ADGRB3: variants seen among roughly 807,000 people sequenced by gnomAD.
ADGRB3 encodes the protein adhesion G protein-coupled receptor B3.
In ADGRB3, 37 loss-of-function variants were observed where a neutral mutation model predicts 193.4. The ratio of observed to expected loss-of-function variants is 0.19; its 90% CI spans 0.15 to 0.25. The LOEUF (loss-of-function observed/expected upper bound fraction) is 0.25, where lower values mean the gene tolerates loss of function less well. Among genes scored for constraint, ADGRB3 ranks in the 10% least tolerant of loss-of-function variants. The pLI, the probability that ADGRB3 is intolerant of heterozygous loss-of-function variation, is 1.00. For synonymous variants in ADGRB3, 690 were observed against 644.2 expected (o/e 1.07, Z -1.08); for missense variants, 1,637 against 1,852.9 (o/e 0.88, Z 2.14).
intron 3 of ADGRB3, among the ~76,000 whole-genome samples, chr6:68,751,576 C>G (rs920710737): frequency 4.6e-5 from 7 of 152,120 alleles, no homozygotes; most frequent in Non-Finnish European, 7.3e-5. Flanking sequence ...TTTACATAAT[C>G]AAAATCTTAT....
intron 3 of ADGRB3, among the ~76,000 whole-genome samples, chr6:68,771,523 T>C (rs1766618346): frequency 6.6e-6 from 1 of 152,056 alleles, no homozygotes; most frequent in South Asian, 2.1e-4. Context: ...ATAGTCATAT[T>C]CATTCATTTA....
chr6:69,181,498 A>G (rs1420810692), intron 17 of ADGRB3, among the ~76,000 whole-genome samples: 1 of 152,192 alleles, frequency 6.6e-6, no homozygotes, highest in Non-Finnish European at 1.5e-5. Flanking sequence ...GACATATAGA[A>G]TTGGAAATAC....
chr6:69,040,675 C>CAA lies in ADGRB3; in HGVS notation c.2108-7477_2108-7476dup, dbSNP rs869146684. ...CCCAGGCTTTGAAATGACTGATGGA[C>CAA]AAAAAAAAAAAAAAAAAAAAAAAAA... On this transcript the variant is annotated intron_variant, in intron 13 of 31. Coordinates refer to ENST00000370598, the MANE Select transcript of ADGRB3 (RefSeq NM_001704.3). Among the ~76,000 whole-genome samples the CAA allele has an allele frequency of 7.1e-3, 139 of 19,530 alleles. 24 individuals carry two copies. Among genetic ancestry groups the CAA allele is most frequent in the Middle Eastern group, 0.036 (1 of 28 alleles). The allele number at this position is 19,530 out of a possible 152,430, so 12.8% of individuals were successfully genotyped here. A position where few individuals can be genotyped will look rare whatever the true frequency, so the allele number is the denominator to read the frequency against.
chr6:68,925,851 A>C (rs898973499), intron 3 of ADGRB3, among the ~76,000 whole-genome samples: 3 of 152,026 alleles, frequency 2.0e-5, no homozygotes, highest in African/African-American at 4.8e-5. Context: ...ATTCATCTTT[A>C]TAACTTTGGT....
intron 6 of ADGRB3, among the ~76,000 whole-genome samples, chr6:68,955,797 GA>G (rs577515699): frequency 0.017 from 2,398 of 137,896 alleles, 38 homozygotes; most frequent in African/African-American, 0.045. Flanking sequence ...ATCTCCAAAT[GA>G]AAAAAAAAAA....
Position 69,021,781 on chromosome 6 carries a change from C to T in ADGRB3, c.2107+3282C>T, listed in dbSNP as rs116099193. Among the ~76,000 whole-genome samples, 497 of 151,810 alleles carry T rather than the reference C, an allele frequency of 3.3e-3. 2 individuals carry two copies. The highest frequency in any genetic ancestry group is 0.011 in the African/African-American group (477 of 41,502). ...CAAAAATAGTTCAAATGAAAAAGTT[C>T]GAAGCTTCTTTTTTTCTGAAAAATC... is the stretch of plus-strand genomic sequence containing the variant. On this transcript the variant is annotated intron_variant, in intron 13 of 31. Coordinates refer to ENST00000370598, the MANE Select transcript of ADGRB3 (RefSeq NM_001704.3).
At chr6:69,207,203 T>C (rs1765557668) in intron 17 of ADGRB3, among the ~76,000 whole-genome samples, 1 of 152,174 alleles carries the variant, frequency 6.6e-6, no homozygotes, top group Non-Finnish European at 1.5e-5. Flanking sequence ...CTAAGACCTC[T>C]AGGCCAGCAG....
At chr6:69,040,321 C>CTT (rs775726789) in intron 13 of ADGRB3, among the ~76,000 whole-genome samples, 1 of 41,542 alleles carries the variant, frequency 2.4e-5, no homozygotes, top group African/African-American at 7.3e-5. Context: ...TTCTTTCTTT[C>CTT]TTTCTTTCTT....
At chr6:68,764,573 G>A (rs1292617658) in intron 3 of ADGRB3, among the ~76,000 whole-genome samples, 2 of 152,108 alleles carry the variant, frequency 1.3e-5, no homozygotes, top group Non-Finnish European at 2.9e-5. Context: ...AACCACAAAA[G>A]CAGCACCAGT....
At chr6:68,853,869 G>T (rs1234288296) in intron 3 of ADGRB3, among the ~76,000 whole-genome samples, 1 of 152,104 alleles carries the variant, frequency 6.6e-6, no homozygotes, top group Non-Finnish European at 1.5e-5. Flanking sequence ...TCAATATTAT[G>T]GTTTTAATTT....
intron 26 of ADGRB3, among the ~76,000 whole-genome samples, chr6:69,352,967 G>C (rs1769258769): frequency 6.6e-6 from 1 of 152,138 alleles, no homozygotes. Flanking sequence ...CAATAAAACA[G>C]AGTGTAATAA....
intron 3 of ADGRB3, among the ~76,000 whole-genome samples, chr6:68,754,748 AAAC>A (rs552134885): frequency 7.9e-5 from 12 of 151,822 alleles, no homozygotes; most frequent in Non-Finnish European, 1.5e-4. Flanking sequence ...TTAAAAAAAA[AAAC>A]AGCATTAGAA....
chr6:68,787,036 G>T (rs7751539), intron 3 of ADGRB3, among the ~76,000 whole-genome samples: 110,408 of 152,078 alleles, frequency 0.73, 40,375 homozygotes, highest in Middle Eastern at 0.9. Context: ...GTTCTTATCA[G>T]CTTGAGGAGA....
chr6:68,988,735 AACG>A (rs1044537112), intron 10 of ADGRB3, among the ~76,000 whole-genome samples: 8 of 152,222 alleles, frequency 5.3e-5, no homozygotes, highest in African/African-American at 1.9e-4. Flanking sequence ...TGAGGATGCT[AACG>A]ACACCTCTCA....
At chr6:69,050,695 G>GA (rs1205598216) in intron 15 of ADGRB3, among the ~76,000 whole-genome samples, 1 of 152,146 alleles carries the variant, frequency 6.6e-6, no homozygotes, top group Non-Finnish European at 1.5e-5. Flanking sequence ...TATATTTTAA[G>GA]AACTCTAGAC....
intron 3 of ADGRB3, among the ~76,000 whole-genome samples, chr6:68,834,189 T>C (rs1768005920): frequency 6.6e-6 from 1 of 152,040 alleles, no homozygotes; most frequent in African/African-American, 2.4e-5. Flanking sequence ...AATTTTTCAG[T>C]CTATATAATA....
At chr6:68,636,447 A>G (rs991994301) in intron 1 of ADGRB3, among the ~76,000 whole-genome samples, 6 of 89,924 alleles carry the variant, frequency 6.7e-5, no homozygotes, top group Admixed American at 1.2e-4. Context: ...GCAAGAGATA[A>G]ATAAATAAAT....
chr6:69,333,600 C>T (rs912590902), intron 24 of ADGRB3, among the ~76,000 whole-genome samples: 15 of 151,594 alleles, frequency 9.9e-5, no homozygotes, highest in African/African-American at 2.2e-4. Context: ...AAAAGCATCT[C>T]CTTTAATTTT....
intron 3 of ADGRB3, among the ~76,000 whole-genome samples, chr6:68,726,934 A>G (rs1765684918): frequency 6.6e-6 from 1 of 151,518 alleles, no homozygotes. Context: ...ATTGGATAAA[A>G]TCAATGTTGG....
Sources: allele counts gnomAD v4.1 joint callset (sites outside exome capture counted in the v4.1 genomes callset), GRCh38; gene constraint gnomAD v4.1.1; transcripts MANE v1.5; gene names NCBI Gene and HGNC (gene_info 2026-07-23, HGNC 2026-07-21).